The following THSD4 variants were observed in gnomAD, a reference collection of about 807,000 sequenced individuals.
THSD4 encodes thrombospondin type 1 domain containing 4, also known as thrombospondin type-1 domain-containing protein 4.
In THSD4, 69 loss-of-function variants were observed where a neutral mutation model predicts 119.0. The observed-to-expected ratio is 0.58, with a 90% confidence interval of 0.48 to 0.71. THSD4 has a LOEUF of 0.71. Among genes scored for constraint, THSD4 ranks in the 30% least tolerant of loss-of-function variants. The pLI is 0.00. For synonymous variants in THSD4, 524 were observed against 540.4 expected, an observed-to-expected ratio of 0.97 and a Z score of 0.42; for missense variants, 1,393 against 1,391.1, an observed-to-expected ratio of 1.00 and a Z score of -0.02.
chr15:71,180,095 A>G (rs1489310312), intron 3 of THSD4, among the ~76,000 whole-genome samples: 4 of 139,884 alleles, frequency 2.9e-5, no homozygotes, highest in Non-Finnish European at 4.6e-5. Context: ...ATACATATGT[A>G]ACTAACCTGC....
chr15:71,463,474 T>C (rs1477453520), intron 7 of THSD4, among the ~76,000 whole-genome samples: 9 of 152,236 alleles, frequency 5.9e-5, no homozygotes, highest in Non-Finnish European at 1.2e-4. Context: ...CCACAAGAAT[T>C]TCCTGAAAGA....
At chr15:71,743,326 C>A (rs913428525) in intron 11 of THSD4, among the ~76,000 whole-genome samples, 3 of 152,250 alleles carry the variant, frequency 2.0e-5, no homozygotes, top group Admixed American at 6.5e-5. Flanking sequence ...GAGATAGTTC[C>A]TTTTGCTTTC....
At position 71,426,390 on chromosome 15, in the gene THSD4, TG is replaced by T. The variant is rs764680986; in HGVS notation, c.1152+14568del. ...CTGTGTGTGTGTGTGTGTGTGTGTG[TG>T]TGTGTGTGTGTGTGTTCAGGTGCTG... On this transcript the variant is annotated intron_variant, in intron 7 of 17. Coordinates refer to ENST00000261862, the MANE Select transcript of THSD4 (RefSeq NM_024817.3). Among the ~76,000 whole-genome samples the T allele has an allele frequency of 8.1e-3, 1,108 of 136,224 alleles. 16 individuals are homozygous for T. The highest frequency in any genetic ancestry group is 0.023 in the Middle Eastern group (6 of 264). 89.4% of individuals were successfully genotyped at this position (136,224 alleles called of 152,430 possible). A position where few individuals can be genotyped will look rare whatever the true frequency, so the allele number is the denominator to read the frequency against.
intron 4 of THSD4, among the ~76,000 whole-genome samples, chr15:71,235,918 A>T (rs1314163951): frequency 6.6e-6 from 1 of 151,882 alleles, no homozygotes; most frequent in Non-Finnish European, 1.5e-5. Context: ...ATGCTATAAA[A>T]CTCAGGACCT....
At chr15:71,569,124 C>A (rs1487583544) in intron 7 of THSD4, among the ~76,000 whole-genome samples, 2 of 152,218 alleles carry the variant, frequency 1.3e-5, no homozygotes, top group Non-Finnish European at 2.9e-5. Context: ...TGTGGCCTGC[C>A]ACTCAGAAAT....
intron 6 of THSD4, among the ~76,000 whole-genome samples, chr15:71,319,076 A>G (rs1051031243): frequency 1.3e-5 from 2 of 152,190 alleles, no homozygotes; most frequent in Non-Finnish European, 2.9e-5. Context: ...CTTGTGCTGG[A>G]CATTGGTGCT....
At chr15:71,654,475 T>A (rs2051151010) in intron 7 of THSD4, among the ~76,000 whole-genome samples, 1 of 152,226 alleles carries the variant, frequency 6.6e-6, no homozygotes, top group African/African-American at 2.4e-5. Flanking sequence ...GAGCCCTTCA[T>A]ACAGAAACTG....
Position 71,339,961 on chromosome 15 carries a change from C to T in THSD4, c.1016-71726C>T, listed in dbSNP as rs552954041. Among the ~76,000 whole-genome samples, 5 of 152,096 alleles carry T rather than the reference C, an allele frequency of 3.3e-5. No homozygotes were observed. In the East Asian group the frequency reaches 5.8e-4, roughly 18 times the overall value. On this transcript the variant is annotated intron_variant, in intron 6 of 17. Transcript: ENST00000261862. ...TGTATTTTTAGTAGAGACAGGCTTT[C>T]GTCATGTTGTCCAGGCTGGTCTTGA...
chr15:71,490,072 A>G (rs2047890016), intron 7 of THSD4, among the ~76,000 whole-genome samples: 1 of 152,116 alleles, frequency 6.6e-6, no homozygotes, highest in South Asian at 2.1e-4. Flanking sequence ...AAAAAGTTGT[A>G]ATGTTTACAT....
intron 6 of THSD4, among the ~76,000 whole-genome samples, chr15:71,281,977 A>G (rs1394935117): frequency 6.6e-6 from 1 of 152,256 alleles, no homozygotes; most frequent in Non-Finnish European, 1.5e-5. Flanking sequence ...TAAAGGCCTC[A>G]GATTCCCCAT....
intron 6 of THSD4, among the ~76,000 whole-genome samples, chr15:71,409,903 T>G (rs1376535929): frequency 6.6e-6 from 1 of 152,188 alleles, no homozygotes; most frequent in Non-Finnish European, 1.5e-5. Flanking sequence ...TTTTTTTGTT[T>G]TTTTTACATA....
chr15:71,584,023 T>C (rs1400011677), intron 7 of THSD4, among the ~76,000 whole-genome samples: 1 of 152,160 alleles, frequency 6.6e-6, no homozygotes, highest in Non-Finnish European at 1.5e-5. Flanking sequence ...CCTATTATTA[T>C]TGTAATGCTG....
chr15:71,678,099 A>G lies in THSD4; in HGVS notation c.1357+17365A>G, dbSNP rs12438570. ...TGAGAATCCATTATCTGCAAGTCCA[A>G]TGTGGTTAACACTGTCCCTAGATCC... is the stretch of plus-strand genomic sequence containing the variant. On this transcript the variant is annotated intron_variant, in intron 8 of 17. Coordinates refer to ENST00000261862, the MANE Select transcript of THSD4 (RefSeq NM_024817.3). 8.8e-3 allele frequency among the ~76,000 whole-genome samples: 1,346 copies of G among 152,308 alleles called. 52 individuals are homozygous for G. The East Asian group carries it at 0.13, about 14-fold the overall frequency.
intron 3 of THSD4, chr15:71,165,100 G>A (rs1421824632): frequency 1.2e-6 from 2 of 1,611,020 alleles, no homozygotes; most frequent in Non-Finnish European, 8.5e-7. Context: ...GATACTCAGA[G>A]CAGAAGAGGA....
chr15:71,775,797 T>G (rs1338085680), intron 17 of THSD4, among the ~76,000 whole-genome samples: 1 of 152,192 alleles, frequency 6.6e-6, no homozygotes, highest in African/African-American at 2.4e-5. Flanking sequence ...AAGGCTGTTT[T>G]GATGATTAAC....
At chr15:71,395,312 G>A (rs17726411) in intron 6 of THSD4, among the ~76,000 whole-genome samples, 3 of 152,296 alleles carry the variant, frequency 2.0e-5, no homozygotes, top group Non-Finnish European at 4.4e-5. Context: ...TGCCGTGAAG[G>A]TGACAGAGGA....
intron 4 of THSD4, among the ~76,000 whole-genome samples, chr15:71,239,506 C>A (rs2044134860): frequency 6.6e-6 from 1 of 152,110 alleles, no homozygotes; most frequent in South Asian, 2.1e-4. Flanking sequence ...GAACCACTAG[C>A]CTACACTGAC....
At chr15:71,258,221 C>T (rs913834839) in intron 6 of THSD4, among the ~76,000 whole-genome samples, 1 of 152,096 alleles carries the variant, frequency 6.6e-6, no homozygotes, top group Admixed American at 6.5e-5. Context: ...CACTATTGCC[C>T]AGGCTGGAGT....
intron 7 of THSD4, among the ~76,000 whole-genome samples, chr15:71,513,092 G>A (rs1436501522): frequency 6.8e-6 from 1 of 146,170 alleles, no homozygotes; most frequent in Non-Finnish European, 1.5e-5. Context: ...TGAAGAAGAT[G>A]CAGAATCAGA....
Sources: allele counts gnomAD v4.1 joint callset (sites outside exome capture counted in the v4.1 genomes callset), GRCh38; gene constraint gnomAD v4.1.1; transcripts MANE v1.5; gene names NCBI Gene and HGNC (gene_info 2026-07-23, HGNC 2026-07-21).